SEL1L3: variants seen among roughly 807,000 people sequenced by gnomAD.
SEL1L3 encodes SEL1L family member 3.
A neutral mutation model predicts 142.8 loss-of-function variants in SEL1L3; 76 were observed. The observed-to-expected ratio is 0.53, with a 90% CI of 0.44 to 0.64. The LOEUF is 0.64. Among genes scored for constraint, SEL1L3 ranks in the 30% least tolerant of loss-of-function variants. The pLI, the probability that SEL1L3 is intolerant of heterozygous loss-of-function variation, is 0.00. For synonymous variants in SEL1L3, 504 were observed against 519.6 expected (o/e 0.97, Z 0.41); for missense variants, 1,262 against 1,381.7 (o/e 0.91, Z 1.37).
At chr4:25,748,602 A>G (rs748891003) in intron 23 of SEL1L3, 38 bp from the exon 24 acceptor site, 2 of 1,587,274 alleles carry the variant, frequency 1.3e-6, no homozygotes, top group Admixed American at 1.8e-5. Flanking sequence ...TGAATACTCA[A>G]AACAGTGCAT....
At chr4:25,720,327 A>G in the SEL1L3 span, 1 of 152,134 alleles carries the variant, frequency 6.6e-6, no homozygotes, top group Non-Finnish European at 1.5e-5. Flanking sequence ...GGTCAAATCC[A>G]CATTCATAGG....
the SEL1L3 span, among the ~76,000 whole-genome samples, chr4:25,726,027 A>T: frequency 6.6e-6 from 1 of 151,990 alleles, no homozygotes; most frequent in Admixed American, 6.6e-5. Context: ...CATCCTACGG[A>T]TGCAGCCCAA....
At chr4:25,717,157 A>T in the SEL1L3 span, among the ~76,000 whole-genome samples, 1 of 151,960 alleles carries the variant, frequency 6.6e-6, no homozygotes, top group African/African-American at 2.4e-5. Context: ...AACAAAACTC[A>T]TGTAATCCAT....
intron 11 of SEL1L3, among the ~76,000 whole-genome samples, chr4:25,795,716 G>T (rs944102604): frequency 6.6e-6 from 1 of 152,330 alleles, no homozygotes; most frequent in African/African-American, 2.4e-5. Flanking sequence ...CCAGGTGGGG[G>T]TTGCCTTCTC....
In SEL1L3 at chr4:25,788,455, G is replaced by C; in HGVS notation, c.2077-91C>G. 1 of 1,324,328 alleles carries C rather than the reference G, an allele frequency of 7.6e-7. No individual in the cohort carries two copies. Among genetic ancestry groups the C allele is most frequent in the Non-Finnish European group, 1.0e-6 (1 of 953,524 alleles). The allele number at this position is 1,324,328 out of a possible 1,614,324, so 82.0% of individuals were successfully genotyped here. A position where few individuals can be genotyped will look rare whatever the true frequency, so the allele number is the denominator to read the frequency against. ...AGGTGGGAGAGCAAACCTACTTTAC[G>C]ATGTTTTAGATTGAGAACCAAGGAT... On this transcript the variant is annotated intron_variant, in intron 12 of 23. Coordinates refer to ENST00000399878, the MANE Select transcript of SEL1L3 (RefSeq NM_015187.5). This position sits in a 1 kb window ranked among gnomAD's most constrained non-coding sequence, Gnocchi z 5.3.
chr4:25,848,533 T>C (rs141407698), intron 1 of SEL1L3, among the ~76,000 whole-genome samples: 2 of 152,222 alleles, frequency 1.3e-5, no homozygotes, highest in Non-Finnish European at 2.9e-5. Context: ...TGTTTATTTA[T>C]CTGGTCATGA....
intron 20 of SEL1L3, 59 bp from the exon 21 acceptor site, chr4:25,759,127 C>G: frequency 6.4e-7 from 1 of 1,562,268 alleles, no homozygotes; most frequent in Non-Finnish European, 8.7e-7. Context: ...TAGACACACA[C>G]TCTTCATCAG....
chr4:25,787,883 A>G (rs535061966), intron 13 of SEL1L3, among the ~76,000 whole-genome samples: 1 of 152,332 alleles, frequency 6.6e-6, no homozygotes, highest in South Asian at 2.1e-4. Flanking sequence ...TTAAGCTGTA[A>G]TTAAAAGAGA....
chr4:25,863,398 T>C, upstream of SEL1L3: 1 of 695,532 alleles, frequency 1.4e-6, no homozygotes, highest in Non-Finnish European at 2.6e-6. Flanking sequence ...CTTCCCATCC[T>C]CTTCCTCGCT....
At chr4:25,848,189 A>G (rs957992845) in intron 1 of SEL1L3, among the ~76,000 whole-genome samples, 4 of 152,274 alleles carry the variant, frequency 2.6e-5, no homozygotes, top group African/African-American at 7.2e-5. Flanking sequence ...CAAATCCAGT[A>G]GCAAGGGAAC....
chr4:25,792,449 C>T (rs1346354304), intron 11 of SEL1L3, among the ~76,000 whole-genome samples: 2 of 152,232 alleles, frequency 1.3e-5, no homozygotes, highest in South Asian at 4.1e-4. Context: ...CTGGTCCACG[C>T]TTGGCCAAGC....
intron 20 of SEL1L3, 152 bp from the exon 21 acceptor site, chr4:25,759,220 C>A: frequency 1.3e-6 from 1 of 751,276 alleles, no homozygotes; most frequent in Non-Finnish European, 2.1e-6. Context: ...TGAATTGTTT[C>A]CCTAAATATA....
chr4:25,718,507 G>T, the SEL1L3 span: 1 of 152,176 alleles, frequency 6.6e-6, no homozygotes, highest in Non-Finnish European at 1.5e-5. Context: ...AATTATAAGG[G>T]TGATTGCACC....
At chr4:25,730,188 C>T in the SEL1L3 span, among the ~76,000 whole-genome samples, 1 of 152,168 alleles carries the variant, frequency 6.6e-6, no homozygotes, top group East Asian at 1.9e-4. Flanking sequence ...CCCACCTCGG[C>T]CTCCCAAAGT....
In SEL1L3 at chr4:25,748,328, T is replaced by G; in HGVS notation, c.*97A>C. ...AAATTTGCATCCAGTTGACAAGACA[T>G]TTAAGGTGTTTATCAGGATCATGCC... is the stretch of plus-strand genomic sequence containing the variant. On this transcript the variant is annotated 3_prime_UTR_variant, in exon 24 of 24. Coordinates refer to ENST00000399878, the MANE Select transcript of SEL1L3 (RefSeq NM_015187.5). The G allele has an allele frequency of 1.6e-6, 2 of 1,269,110 alleles. No homozygotes were observed. Among genetic ancestry groups the G allele is most frequent in the Non-Finnish European group, 2.2e-6 (2 of 927,488 alleles). The allele number at this position is 1,269,110 out of a possible 1,614,324, so 78.6% of individuals were successfully genotyped here.
At chr4:25,766,592 GCCCA>G (rs1718753753) in intron 19 of SEL1L3, among the ~76,000 whole-genome samples, 1 of 152,146 alleles carries the variant, frequency 6.6e-6, no homozygotes, top group South Asian at 2.1e-4. Context: ...ACAATAGGCA[GCCCA>G]GAGATCAGCA....
At chr4:25,744,740 G>GT (rs1560268437), downstream of SEL1L3, among the ~76,000 whole-genome samples, 3 of 152,164 alleles carry the variant, frequency 2.0e-5, no homozygotes. Context: ...CCCAACAAAT[G>GT]TGTGTGGGTC....
At chr4:25,721,554 C>T in the SEL1L3 span, among the ~76,000 whole-genome samples, 1 of 152,146 alleles carries the variant, frequency 6.6e-6, no homozygotes, top group Non-Finnish European at 1.5e-5. Flanking sequence ...GGGGGTGTCT[C>T]AGAATTGCCC....
chr4:25,715,576 TCCCTAGAC>T, the SEL1L3 span, among the ~76,000 whole-genome samples: 11 of 149,572 alleles, frequency 7.4e-5, no homozygotes, highest in African/African-American at 2.7e-4. Context: ...AAAAATGTTT[TCCCTAGAC>T]ATCTACACAC....
Sources: gnomAD v4.1 joint callset for allele counts (sites outside exome capture counted in the v4.1 genomes callset) on GRCh38, gnomAD v4.1.1 for gene constraint, Gnocchi (gnomAD v3.1) non-coding constraint, MANE v1.5 for transcripts, NCBI Gene and HGNC (gene_info 2026-07-23, HGNC 2026-07-21) for gene names.